Variants in PTCRA observed in about 807,000 individuals in gnomAD.
PTCRA encodes pre T cell antigen receptor alpha, also known as pre T-cell antigen receptor alpha.
Under a neutral mutation model 13.4 loss-of-function variants are expected in PTCRA, and 9 were observed. The observed-to-expected ratio is 0.67, with a 90% confidence interval of 0.41 to 1.18. The LOEUF is 1.18. Among genes scored for constraint, PTCRA ranks in the 50% most tolerant of loss-of-function variants. PTCRA has a pLI of 0.01. For missense variants in PTCRA, 353 were observed against 359.8 expected (o/e 0.98, Z 0.15); for synonymous variants, 153 against 161.9 (o/e 0.94, Z 0.42).
chr6:42,917,820 G>C (rs1766951125), intron 1 of PTCRA, among the ~76,000 whole-genome samples: 1 of 151,806 alleles, frequency 6.6e-6, no homozygotes, highest in African/African-American at 2.4e-5. Flanking sequence ...AAAGTGCTGG[G>C]ATTACAGGCA....
chr6:42,925,582 A>G lies in PTCRA; in HGVS notation c.746A>G (p.Gln249Arg), dbSNP rs778277201. Reference protein sequence around the residue: ...YLSSYPTCPAQAWCSRSALRA... With the variant: ...YLSSYPTCPARAWCSRSALRA... ...AGCAGTTACCCCACTTGCCCAGCAC[A>G]GGCCTGGTGCTCAAGATCTGCCCTC... Residue 249 changes from glutamine to arginine, a missense_variant, in exon 4 of 4, where the codon CAG (glutamine) becomes CGG (arginine). Transcript: ENST00000304672. The surrounding 1 kb of genome is among the most constrained non-coding windows in gnomAD (Gnocchi z 4.4). 2.5e-6 allele frequency: 4 copies of G among 1,601,930 alleles called. No homozygotes were observed. The East Asian group carries it at 8.9e-5, about 36-fold the overall frequency.
chr6:42,922,989 AG>A, intron 1 of PTCRA, 37 bp from the exon 2 acceptor site: 1 of 1,602,596 alleles, frequency 6.2e-7, no homozygotes, highest in Non-Finnish European at 8.5e-7. Flanking sequence ...GGAGGCCAAA[AG>A]CTGGTCTAGC....
At chr6:42,924,381 G>C (rs776069488) in intron 3 of PTCRA, 108 bp downstream of exon 3, 5 of 895,314 alleles carry the variant, frequency 5.6e-6, no homozygotes, top group Admixed American at 2.0e-5. Flanking sequence ...CTGGAGGTCA[G>C]TAGGTGTCCC....
chr6:42,924,435 G>C, intron 3 of PTCRA, 162 bp downstream of exon 3: 1 of 683,792 alleles, frequency 1.5e-6, no homozygotes, highest in Non-Finnish European at 2.6e-6. Flanking sequence ...GCTAGCATGG[G>C]CCTCAGTCTA....
intron 1 of PTCRA, among the ~76,000 whole-genome samples, chr6:42,917,030 T>C (rs532713818): frequency 6.6e-6 from 1 of 151,946 alleles, no homozygotes. Flanking sequence ...GGAGGTTGAG[T>C]CCTGGAGCTC....
chr6:42,923,333 C>T lies in PTCRA; in HGVS notation c.365C>T (p.Pro122Leu), dbSNP rs747032918. 1 of 1,614,048 alleles carries T rather than the reference C, an allele frequency of 6.2e-7. No homozygotes were observed. Among genetic ancestry groups the T allele is most frequent in the East Asian group, 2.2e-5 (1 of 44,888 alleles). ...GAEGHSRSTQ[P>L]MHLSGEASTA... ...GAGGGTCACAGCAGGAGTACACAGC[C>T]CATGCATCTGTCAGGTGGGGATGGA... The change falls in exon 2 of 4, where the codon CCC becomes CTC. Residue 122 changes from proline (P) to leucine (L), a missense_variant. Pro to Leu is a moderately conservative substitution (Grantham distance 98). Transcript: ENST00000304672.
At chr6:42,923,532 C>G (rs1052928100) in intron 2 of PTCRA, among the ~76,000 whole-genome samples, 185 bp downstream of exon 2, 6 of 152,218 alleles carry the variant, frequency 3.9e-5, no homozygotes, top group African/African-American at 1.4e-4. Context: ...TTGGGATTTG[C>G]CACTGCAATA....
At position 42,924,330 on chromosome 6, in the gene PTCRA, C is replaced by G. The variant is rs537000155; in HGVS notation, c.424+57C>G. ...GAGGCTGGGACCAGGACCTTGGGCCCGGGGGGTGGGGCCTTCAGCTCTGGC... is the reference window on the plus strand; with the variant it reads ...GAGGCTGGGACCAGGACCTTGGGCCGGGGGGGTGGGGCCTTCAGCTCTGGC... On this transcript the variant is annotated intron_variant, in intron 3 of 3. Coordinates refer to ENST00000304672, the MANE Select transcript of PTCRA (RefSeq NM_138296.3). 10 of 1,519,390 alleles carry G rather than the reference C, an allele frequency of 6.6e-6. No individual in the cohort carries two copies. In the South Asian group the frequency reaches 1.0e-4, roughly 15 times the overall value. The allele number at this position is 1,519,390 out of a possible 1,614,324, so 94.1% of individuals were successfully genotyped here.
chr6:42,923,542 ATC>A (rs1259097170), intron 2 of PTCRA, among the ~76,000 whole-genome samples, 195 bp downstream of exon 2: 1 of 152,232 alleles, frequency 6.6e-6, no homozygotes, highest in Non-Finnish European at 1.5e-5. Flanking sequence ...CCACTGCAAT[ATC>A]TGTTTGAAAT....
chr6:42,925,534 T>A lies in PTCRA; in HGVS notation c.698T>A (p.Val233Glu). The A allele has an allele frequency of 6.3e-7, 1 of 1,587,686 alleles. No homozygotes were observed. The highest frequency in any genetic ancestry group is 1.3e-5 in the African/African-American group (1 of 74,578). ...CCGGGTCGGAAGCCCGGGAGCCCAGTATGGGGGGAAGGGTCTTACCTCAGC... is the reference window on the plus strand; with the variant it reads ...CCGGGTCGGAAGCCCGGGAGCCCAGAATGGGGGGAAGGGTCTTACCTCAGC... ...TPPGRKPGSPVWGEGSYLSSY... is the reference protein window; with the variant it reads ...TPPGRKPGSPEWGEGSYLSSY... Residue 233 changes from valine to glutamate, a missense_variant, in exon 4 of 4, where the codon GTA becomes GAA. Coordinates refer to ENST00000304672, the MANE Select transcript of PTCRA (RefSeq NM_138296.3). This position sits in a 1 kb window ranked among gnomAD's most constrained non-coding sequence, Gnocchi z 4.4.
chr6:42,917,805 C>T (rs1323045970), intron 1 of PTCRA, among the ~76,000 whole-genome samples: 14 of 151,712 alleles, frequency 9.2e-5, no homozygotes, highest in Non-Finnish European at 1.9e-4. Flanking sequence ...CTGACTCAGC[C>T]TCCCAAAGTG....
In PTCRA at chr6:42,916,089, T is replaced by G. The variant is rs902767598; in HGVS notation, c.20T>G (p.Leu7Arg). The change falls in exon 1 of 4, where the codon CTA becomes CGA. Residue 7 changes from leucine to arginine, a missense_variant. Leu to Arg is a moderately radical substitution (Grantham distance 102). Transcript: ENST00000304672. MAGTWLLLLLALGCPAL... is the reference protein window; with the variant it reads MAGTWLRLLLALGCPAL... ...TGGGCCATGGCCGGTACATGGCTGC[T>G]ACTTCTCCTGGCCCTTGGGTGTCCA... 2 of 1,613,946 alleles carry G rather than the reference T, an allele frequency of 1.2e-6. No homozygotes were observed. The highest frequency in any genetic ancestry group is 2.7e-5 in the African/African-American group (2 of 74,920).
At chr6:42,922,957 C>A in intron 1 of PTCRA, 70 bp from the exon 2 acceptor site, 3 of 1,415,552 alleles carry the variant, frequency 2.1e-6, no homozygotes, top group Admixed American at 3.4e-5. Flanking sequence ...AGAACCCTAG[C>A]CTACAACACA....
chr6:42,925,401 C>T lies in PTCRA; in HGVS notation c.565C>T (p.Arg189Ter), dbSNP rs1448736580. 11 of 1,554,236 alleles carry T rather than the reference C, an allele frequency of 7.1e-6. No individual in the cohort carries two copies. Among genetic ancestry groups the T allele is most frequent in the Middle Eastern group, 1.7e-4 (1 of 5,848 alleles). The stretch of plus-strand genomic sequence containing the variant: ...TTCCCCCGCAACCACCACCCGCCTG[C>T]GAGCCCTCGGCTCCCATCGACTGCA... ...LPSPATTTRLRALGSHRLHPA... is the reference protein window; with the variant it reads ...LPSPATTTRL The change falls in exon 4 of 4, where the codon CGA becomes TGA. Residue 189 changes from arginine to a stop codon, truncating the protein, a stop_gained. Transcript: ENST00000304672. LOFTEE classifies it low-confidence loss of function (END_TRUNC). This position sits in a 1 kb window ranked among gnomAD's most constrained non-coding sequence, Gnocchi z 4.4.
In PTCRA at chr6:42,923,191, AC is replaced by A; in HGVS notation, c.225del (p.Tyr76MetfsTer92). ...AGNGSALDAF[T>X]YGPSPATDGT... ...CAATGGCAGTGCACTGGATGCCTTC[AC>A]CTATGGCCCTTCCCCAGCAACGGAT... is the stretch of plus-strand genomic sequence containing the variant. On this transcript the variant is annotated frameshift_variant, in exon 2 of 4. Coordinates refer to ENST00000304672, the MANE Select transcript of PTCRA (RefSeq NM_138296.3). LOFTEE classifies it high-confidence loss of function. 1 of 1,614,186 alleles carries A rather than the reference AC, an allele frequency of 6.2e-7. No homozygotes were observed. Among genetic ancestry groups the A allele is most frequent in the African/African-American group, 1.3e-5 (1 of 75,036 alleles).
In PTCRA at chr6:42,921,685, G is replaced by T. The variant is rs552205411; in HGVS notation, c.59-1342G>T. ...CCCACCTTGGCCTCCCGAAGTGCTG[G>T]GATTACAGGCATGAGCCACCGTGCC... On this transcript the variant is annotated intron_variant, in intron 1 of 3. Transcript: ENST00000304672. 4.8e-5 allele frequency among the ~76,000 whole-genome samples: 7 copies of T among 147,334 alleles called. No individual in the cohort carries two copies. In the South Asian group the frequency reaches 1.5e-3, roughly 32 times the overall value.
intron 1 of PTCRA, 117 bp from the exon 2 acceptor site, chr6:42,922,910 A>G: frequency 1.1e-6 from 1 of 937,476 alleles, no homozygotes; most frequent in Non-Finnish European, 1.6e-6. Flanking sequence ...ATGTAGATGG[A>G]TGGTGGAAGG....
intron 3 of PTCRA, 104 bp downstream of exon 3, chr6:42,924,377 G>T: frequency 1.1e-6 from 1 of 899,900 alleles, no homozygotes; most frequent in Non-Finnish European, 1.8e-6. Context: ...TACACTGGAG[G>T]TCAGTAGGTG....
At chr6:42,920,280 A>G (rs954693588) in intron 1 of PTCRA, among the ~76,000 whole-genome samples, 2 of 151,300 alleles carry the variant, frequency 1.3e-5, no homozygotes, top group East Asian at 2.0e-4. Context: ...AGATCGCGCC[A>G]CTGCACTTGA....
Sources: allele counts gnomAD v4.1 joint callset (sites outside exome capture counted in the v4.1 genomes callset), GRCh38; gene constraint gnomAD v4.1.1; non-coding constraint Gnocchi (gnomAD v3.1); transcripts MANE v1.5; gene names NCBI Gene and HGNC (gene_info 2026-07-23, HGNC 2026-07-21).